Variants in RGS6 observed in about 807,000 individuals in gnomAD.
RGS6 encodes regulator of G protein signaling 6.
In RGS6, 30 loss-of-function variants were observed where a neutral mutation model predicts 78.5. The observed-to-expected ratio is 0.38, with a 90% CI of 0.29 to 0.52. The LOEUF (loss-of-function observed/expected upper bound fraction) is 0.52. RGS6 is among the 20% of genes least tolerant of loss of function. The pLI, the probability that RGS6 is intolerant of heterozygous loss-of-function variation, is 0.85. For missense variants in RGS6, 495 were observed against 609.7 expected (o/e 0.81, Z 1.98); for synonymous variants, 206 against 206.0 (o/e 1.00, Z 0.00).
At chr14:71,913,254 C>G in the RGS6 span, among the ~76,000 whole-genome samples, 30 of 152,322 alleles carry the variant, frequency 2.0e-4, no homozygotes, top group South Asian at 4.1e-3. Context: ...TGACTTCCCT[C>G]ATGAACATCC....
intron 2 of RGS6, among the ~76,000 whole-genome samples, chr14:72,179,641 G>A (rs2097149134): frequency 6.6e-6 from 1 of 150,378 alleles, no homozygotes; most frequent in South Asian, 2.1e-4. Flanking sequence ...TGATTTGTAT[G>A]TTCCCTTCCC....
intron 2 of RGS6, among the ~76,000 whole-genome samples, chr14:72,308,617 A>G (rs1226864160): frequency 1.3e-5 from 2 of 152,212 alleles, no homozygotes; most frequent in African/African-American, 4.8e-5. Context: ...TAGTATGAAA[A>G]TTTGTTCAAA....
At chr14:72,603,127 A>C in the RGS6 span, among the ~76,000 whole-genome samples, 3 of 152,212 alleles carry the variant, frequency 2.0e-5, no homozygotes, top group African/African-American at 7.2e-5. Context: ...CTTTAAGAAG[A>C]AAGTTGGCCA....
intron 2 of RGS6, among the ~76,000 whole-genome samples, chr14:72,260,642 T>C (rs2057990212): frequency 6.6e-6 from 1 of 152,176 alleles, no homozygotes; most frequent in South Asian, 2.1e-4. Flanking sequence ...AGAAGAGCTC[T>C]GATCTAGAGA....
chr14:72,266,498 G>C (rs529454565), intron 2 of RGS6, among the ~76,000 whole-genome samples: 1 of 152,094 alleles, frequency 6.6e-6, no homozygotes, highest in African/African-American at 2.4e-5. Flanking sequence ...TCTTCCACAC[G>C]TGCCTCCTCC....
chr14:72,070,121 T>G (rs1016314123), intron 2 of RGS6, among the ~76,000 whole-genome samples: 2 of 152,164 alleles, frequency 1.3e-5, no homozygotes, highest in African/African-American at 4.8e-5. Flanking sequence ...CTGTCATTCA[T>G]TGTGCTTTAT....
intron 2 of RGS6, among the ~76,000 whole-genome samples, chr14:72,165,782 G>T (rs1429238919): frequency 1.3e-5 from 2 of 151,988 alleles, no homozygotes; most frequent in Non-Finnish European, 2.9e-5. Context: ...ATTCTTTATT[G>T]TGCCTGTTTC....
At chr14:72,396,219 T>G (rs547508669) in intron 3 of RGS6, among the ~76,000 whole-genome samples, 17,367 of 152,116 alleles carry the variant, frequency 0.11, 1,359 homozygotes, top group Non-Finnish European at 0.17. Context: ...TTTAATGATT[T>G]TCATTCTAAC....
intron 1 of RGS6, among the ~76,000 whole-genome samples, chr14:71,962,772 C>T (rs538276728): frequency 1.0e-3 from 158 of 152,260 alleles, no homozygotes; most frequent in Middle Eastern, 6.8e-3. Flanking sequence ...GGGATATTTT[C>T]GGCAATTAAA....
intron 2 of RGS6, among the ~76,000 whole-genome samples, chr14:71,971,633 G>T (rs974824468): frequency 6.6e-6 from 1 of 152,148 alleles, no homozygotes; most frequent in Admixed American, 6.5e-5. Context: ...AATTTCTATG[G>T]GTTAGTAATC....
chr14:72,339,146 T>G (rs2076541042), intron 2 of RGS6, among the ~76,000 whole-genome samples: 1 of 152,178 alleles, frequency 6.6e-6, no homozygotes, highest in East Asian at 2.0e-4. Context: ...AAAATTCATA[T>G]GTTGAAACCC....
At chr14:72,434,635 G>A (rs1322460757) in intron 3 of RGS6, among the ~76,000 whole-genome samples, 1 of 152,156 alleles carries the variant, frequency 6.6e-6, no homozygotes, top group Admixed American at 6.5e-5. Flanking sequence ...CTTCTCCCTG[G>A]TTTCAAGCCC....
At chr14:72,235,740 A>G (rs1210306246) in intron 2 of RGS6, among the ~76,000 whole-genome samples, 2 of 152,234 alleles carry the variant, frequency 1.3e-5, no homozygotes, top group Non-Finnish European at 2.9e-5. Context: ...AACAGCTTGT[A>G]GATGGATATA....
intron 2 of RGS6, among the ~76,000 whole-genome samples, chr14:71,993,033 G>A (rs574496429): frequency 6.6e-6 from 1 of 152,298 alleles, no homozygotes; most frequent in Non-Finnish European, 1.5e-5. Context: ...GACGTGTTAT[G>A]AACATAGCCT....
intron 2 of RGS6, among the ~76,000 whole-genome samples, chr14:72,207,390 A>G (rs1308802383): frequency 3.9e-5 from 6 of 152,208 alleles, no homozygotes; most frequent in Non-Finnish European, 7.3e-5. Context: ...TGGGCAAGGT[A>G]AATTCCTAGT....
intron 2 of RGS6, among the ~76,000 whole-genome samples, chr14:72,343,860 C>T (rs1476363598): frequency 6.6e-6 from 1 of 152,210 alleles, no homozygotes; most frequent in African/African-American, 2.4e-5. Flanking sequence ...TTGACACACT[C>T]AAATTCAGGT....
the RGS6 span, among the ~76,000 whole-genome samples, chr14:71,909,620 G>GA: frequency 0.83 from 124,928 of 150,364 alleles, 52,132 homozygotes; most frequent in Middle Eastern, 0.85. Flanking sequence ...AGGAGAGAGA[G>GA]GGGGGAAAGA....
At chr14:72,465,640 G>T in intron 6 of RGS6, 118 bp from the exon 7 acceptor site, 1 of 680,842 alleles carries the variant, frequency 1.5e-6, no homozygotes, top group Non-Finnish European at 2.7e-6. Flanking sequence ...ATGGATGGAT[G>T]GATGGATGGA....
chr14:72,066,808 A>ATTTTTT (rs60072172), intron 2 of RGS6, among the ~76,000 whole-genome samples: 2 of 140,768 alleles, frequency 1.4e-5, no homozygotes, highest in African/African-American at 2.6e-5. Context: ...TTTAGAGGCA[A>ATTTTTT]TTTTTTTTTT....
Sources: allele counts gnomAD v4.1 joint callset (sites outside exome capture counted in the v4.1 genomes callset), GRCh38; gene constraint gnomAD v4.1.1; transcripts MANE v1.5; gene names NCBI Gene and HGNC (gene_info 2026-07-23, HGNC 2026-07-21).